The following TENM1 variants were observed in gnomAD, a reference collection of about 807,000 sequenced individuals.
The protein encoded by TENM1 is teneurin transmembrane protein 1, also known as teneurin-1.
TENM1 carries 35 observed loss-of-function variants against 174.8 expected under a neutral mutation model. The ratio of observed to expected loss-of-function variants is 0.20; its 90% confidence interval spans 0.15 to 0.27. TENM1 has a LOEUF of 0.27. TENM1 is among the 10% of genes least tolerant of loss of function. The pLI is 1.00. For synonymous variants in TENM1, 781 were observed against 798.7 expected, an observed-to-expected ratio of 0.98 and a Z score of 0.37; for missense variants, 1,633 against 2,130.1, an observed-to-expected ratio of 0.77 and a Z score of 4.59.
At chrX:124,930,119 C>T in intron 1 of TENM1, among the ~76,000 whole-genome samples, 1 of 110,440 alleles carries the variant, frequency 9.1e-6, no homozygotes. Context: ...ACCCCATACC[C>T]CGCACAGACA....
At chrX:124,974,703 G>A in the TENM1 span, among the ~76,000 whole-genome samples, 1 of 107,568 alleles carries the variant, frequency 9.3e-6, no homozygotes, top group Non-Finnish European at 1.9e-5. Context: ...AAGTGGAGAG[G>A]TAAAAAATTA....
At chrX:125,193,310 C>T in the TENM1 span, among the ~76,000 whole-genome samples, 1 of 112,423 alleles carries the variant, frequency 8.9e-6, no homozygotes, top group African/African-American at 3.2e-5. Context: ...ACAAAGTTCC[C>T]AAAAGCAAAA....
At chrX:124,674,066 C>A (rs2051993300) in intron 5 of TENM1, among the ~76,000 whole-genome samples, 1 of 109,476 alleles carries the variant, frequency 9.1e-6, no homozygotes, top group South Asian at 4.0e-4. Flanking sequence ...GACTGATGGG[C>A]CCTCCAGATA....
the TENM1 span, among the ~76,000 whole-genome samples, chrX:125,190,216 A>T: frequency 2.7e-5 from 3 of 112,030 alleles, no homozygotes; most frequent in African/African-American, 9.7e-5. Flanking sequence ...TATTGGCTGA[A>T]GCTTCTTTTC....
At chrX:124,716,818 T>C (rs768813504) in intron 4 of TENM1, among the ~76,000 whole-genome samples, 100 of 111,515 alleles carry the variant, frequency 9.0e-4, no homozygotes, top group Non-Finnish European at 1.8e-3. Context: ...CTAAACACAC[T>C]GTGCGTGCTC....
intron 6 of TENM1, among the ~76,000 whole-genome samples, chrX:124,662,011 G>C (rs1221376786): frequency 9.0e-6 from 1 of 110,926 alleles, no homozygotes; most frequent in East Asian, 2.8e-4. Context: ...TTCATACTCA[G>C]TATGCCATCC....
chrX:124,631,820 C>A, intron 11 of TENM1, among the ~76,000 whole-genome samples: 1 of 95,572 alleles, frequency 1.0e-5, no homozygotes, highest in Non-Finnish European at 2.0e-5. Flanking sequence ...GAATCACGGG[C>A]GAAGGTTGCA....
intron 4 of TENM1, among the ~76,000 whole-genome samples, chrX:124,713,833 T>C (rs1009252285): frequency 8.0e-5 from 9 of 112,217 alleles, no homozygotes; most frequent in Non-Finnish European, 1.7e-4. Context: ...GTAAGTGTTC[T>C]ATTTGCGGGC....
At chrX:124,642,874 G>T (rs1180570579) in intron 10 of TENM1, among the ~76,000 whole-genome samples, 1 of 112,201 alleles carries the variant, frequency 8.9e-6, no homozygotes, top group East Asian at 2.8e-4. Flanking sequence ...TCGTAATGAG[G>T]ACGTATGATT....
the TENM1 span, among the ~76,000 whole-genome samples, chrX:124,993,503 A>C: frequency 2.7e-5 from 3 of 110,350 alleles, no homozygotes; most frequent in Non-Finnish European, 5.7e-5. Flanking sequence ...TTCAAACCCT[A>C]TATGTACTGA....
At chrX:124,559,795 G>A (rs1055684151) in intron 14 of TENM1, among the ~76,000 whole-genome samples, 4 of 111,818 alleles carry the variant, frequency 3.6e-5, no homozygotes, top group African/African-American at 9.7e-5. Context: ...TCAACATATT[G>A]GGAATATAAC....
At chrX:124,970,090 T>A in the TENM1 span, among the ~76,000 whole-genome samples, 2 of 111,834 alleles carry the variant, frequency 1.8e-5, no homozygotes, top group Non-Finnish European at 3.8e-5. Flanking sequence ...TTGTTTTGAA[T>A]CCATGGACCT....
At chrX:124,777,185 G>A (rs941965697) in intron 3 of TENM1, among the ~76,000 whole-genome samples, 1 of 111,243 alleles carries the variant, frequency 9.0e-6, no homozygotes, top group Admixed American at 9.5e-5. Flanking sequence ...TAAAACTCCT[G>A]TATACTAATA....
intron 1 of TENM1, among the ~76,000 whole-genome samples, chrX:124,958,467 C>T (rs1336524878): frequency 1.8e-5 from 2 of 111,592 alleles, no homozygotes; most frequent in Non-Finnish European, 3.8e-5. Flanking sequence ...AGGCGTTTAA[C>T]CTCCTTATAA....
At chrX:124,897,143 A>G (rs1363426256) in intron 1 of TENM1, among the ~76,000 whole-genome samples, 1 of 111,893 alleles carries the variant, frequency 8.9e-6, no homozygotes, top group African/African-American at 3.2e-5. Context: ...CCATCAACTT[A>G]CTGCATGAAT....
chrX:124,848,394 C>T (rs2056652844), intron 3 of TENM1, among the ~76,000 whole-genome samples: 1 of 111,161 alleles, frequency 9.0e-6, no homozygotes, highest in South Asian at 3.8e-4. Flanking sequence ...ATTGCACCTC[C>T]TATCACGTTC....
chrX:124,377,932 ATCT>A (rs947438653), exon 32 of TENM1: 2 of 112,060 alleles, frequency 1.8e-5, no homozygotes, highest in African/African-American at 3.2e-5. Context: ...CAATATCTCC[ATCT>A]TCTTCTTAAG....
chrX:124,986,872 C>A, the TENM1 span, among the ~76,000 whole-genome samples: 1 of 111,585 alleles, frequency 9.0e-6, no homozygotes, highest in East Asian at 2.8e-4. Flanking sequence ...GAAATCCTGA[C>A]CTAAGGTGAT....
the TENM1 span, among the ~76,000 whole-genome samples, chrX:125,178,932 A>T: frequency 1.8e-5 from 2 of 109,891 alleles, no homozygotes; most frequent in South Asian, 7.9e-4. Flanking sequence ...TGATTGTGCC[A>T]TTCACTTCAG....
Sources: gnomAD v4.1 joint callset for allele counts (sites outside exome capture counted in the v4.1 genomes callset) on GRCh38, gnomAD v4.1.1 for gene constraint, MANE v1.5 for transcripts, NCBI Gene and HGNC (gene_info 2026-07-23, HGNC 2026-07-21) for gene names.